Variants in PCDH7 observed in about 807,000 individuals in gnomAD.
The protein encoded by PCDH7 is protocadherin 7.
A neutral mutation model predicts 58.9 loss-of-function variants in PCDH7; 17 were observed. The observed-to-expected ratio is 0.29, with a 90% confidence interval of 0.20 to 0.43. PCDH7 has a LOEUF of 0.43. PCDH7 is among the 20% of genes least tolerant of loss of function. The pLI is 1.00. For synonymous variants in PCDH7, 664 were observed against 616.4 expected, an observed-to-expected ratio of 1.08 and a Z score of -1.14; for missense variants, 1,274 against 1,441.0, an observed-to-expected ratio of 0.88 and a Z score of 1.88.
intron 1 of PCDH7, among the ~76,000 whole-genome samples, chr4:30,792,717 G>T (rs10013155): frequency 0.036 from 5,452 of 152,150 alleles, 324 homozygotes; most frequent in African/African-American, 0.12. Flanking sequence ...ATCTCAGTAG[G>T]AGCTGAGGGG....
At position 31,038,459 on chromosome 4, in the gene PCDH7, G is replaced by T. The variant is rs546814931; in HGVS notation, c.*7+88244G>T. Among the ~76,000 whole-genome samples the T allele has an allele frequency of 2.6e-5, 4 of 152,172 alleles. No homozygotes were observed. In the East Asian group the frequency reaches 5.8e-4, roughly 22 times the overall value. On this transcript the variant is annotated intron_variant, in intron 3 of 3. Coordinates refer to the PCDH7 transcript ENST00000509759. ...TAAATATAAGCAAAATAAATACAAAGGTAGCCAGAGGACTATTTGAGATGG... is the reference window on the plus strand; with the variant it reads ...TAAATATAAGCAAAATAAATACAAATGTAGCCAGAGGACTATTTGAGATGG...
At chr4:30,974,232 C>T (rs1283028502) in intron 3 of PCDH7, among the ~76,000 whole-genome samples, 13 of 88,770 alleles carry the variant, frequency 1.5e-4, no homozygotes, top group African/African-American at 3.7e-4. Context: ...TTCTTTCTTT[C>T]TTTTTCTTTC....
intron 1 of PCDH7, among the ~76,000 whole-genome samples, chr4:30,753,133 C>A (rs994671320): frequency 1.3e-5 from 2 of 152,064 alleles, no homozygotes; most frequent in Non-Finnish European, 1.5e-5. Context: ...CAGCATCATG[C>A]CTGGGAGACC....
intron 2 of PCDH7, among the ~76,000 whole-genome samples, chr4:30,938,192 G>C (rs1416284912): frequency 2.0e-5 from 3 of 151,936 alleles, no homozygotes; most frequent in Admixed American, 2.0e-4. Flanking sequence ...CCACATTATT[G>C]CTCAGACACA....
chr4:31,138,923 G>A (rs1384719061), intron 3 of PCDH7, among the ~76,000 whole-genome samples: 1 of 150,406 alleles, frequency 6.6e-6, no homozygotes, highest in Non-Finnish European at 1.5e-5. Context: ...TTGCGGTGAG[G>A]CAAGATTGCA....
chr4:31,101,305 G>A (rs561117418), intron 3 of PCDH7, among the ~76,000 whole-genome samples: 1 of 152,128 alleles, frequency 6.6e-6, no homozygotes, highest in Non-Finnish European at 1.5e-5. Flanking sequence ...ATTTAATTAT[G>A]TGCTGGGTTT....
chr4:31,087,853 T>A (rs1030479273), intron 3 of PCDH7, among the ~76,000 whole-genome samples: 3 of 152,164 alleles, frequency 2.0e-5, no homozygotes, highest in Admixed American at 6.6e-5. Flanking sequence ...ATAATCATTA[T>A]TAACATGTAG....
chr4:30,765,737 G>A (rs1393398988), intron 1 of PCDH7, among the ~76,000 whole-genome samples: 1 of 152,232 alleles, frequency 6.6e-6, no homozygotes, highest in Non-Finnish European at 1.5e-5. Flanking sequence ...TGATGAGAGT[G>A]TGAGCTGTGC....
intron 1 of PCDH7, among the ~76,000 whole-genome samples, chr4:30,850,604 T>C (rs554140348): frequency 1.3e-5 from 2 of 152,220 alleles, no homozygotes; most frequent in Non-Finnish European, 2.9e-5. Flanking sequence ...ATTCCAGGTA[T>C]GTGCCCATGC....
intron 1 of PCDH7, among the ~76,000 whole-genome samples, chr4:30,824,038 A>T (rs1728707110): frequency 6.6e-6 from 1 of 152,116 alleles, no homozygotes; most frequent in Non-Finnish European, 1.5e-5. Context: ...GCCACTCTTG[A>T]TGGTTGGCTG....
At chr4:31,079,009 G>A (rs887441252) in intron 3 of PCDH7, among the ~76,000 whole-genome samples, 1 of 151,788 alleles carries the variant, frequency 6.6e-6, no homozygotes, top group Non-Finnish European at 1.5e-5. Flanking sequence ...ATAATTGGGT[G>A]TAGGAAGAGT....
At chr4:30,732,489 A>T (rs921982741) in exon 2 of PCDH7, 4 of 152,244 alleles carry the variant, frequency 2.6e-5, no homozygotes, top group Non-Finnish European at 5.9e-5. Context: ...ATTGTAAGTT[A>T]GCATTTTCTA....
At chr4:30,818,525 G>A (rs1384620928) in intron 1 of PCDH7, among the ~76,000 whole-genome samples, 3 of 152,132 alleles carry the variant, frequency 2.0e-5, no homozygotes, top group African/African-American at 7.2e-5. Flanking sequence ...TCCCCTTGAA[G>A]AGAATCTAAC....
chr4:30,965,845 A>G (rs1309052331), intron 3 of PCDH7, among the ~76,000 whole-genome samples: 3 of 152,140 alleles, frequency 2.0e-5, no homozygotes, highest in Admixed American at 2.0e-4. Flanking sequence ...TTTTTAAAAA[A>G]GTAGCATTTT....
intron 1 of PCDH7, among the ~76,000 whole-genome samples, chr4:30,888,760 T>G (rs1326789399): frequency 1.3e-5 from 2 of 152,182 alleles, no homozygotes; most frequent in Non-Finnish European, 2.9e-5. Context: ...GAGAGTGGTT[T>G]GACAGACTTG....
At chr4:31,118,152 G>A (rs1258882450) in intron 3 of PCDH7, among the ~76,000 whole-genome samples, 1 of 152,108 alleles carries the variant, frequency 6.6e-6, no homozygotes, top group Non-Finnish European at 1.5e-5. Flanking sequence ...GCAAAATTCT[G>A]CATTTAAGTA....
intron 1 of PCDH7, among the ~76,000 whole-genome samples, chr4:30,875,523 A>G (rs1736173777): frequency 6.6e-6 from 1 of 152,092 alleles, no homozygotes; most frequent in Non-Finnish European, 1.5e-5. Flanking sequence ...GTCCAAGTTT[A>G]CGTAGTCCGT....
At chr4:30,956,362 A>G (rs1189821292) in intron 3 of PCDH7, among the ~76,000 whole-genome samples, 1 of 152,216 alleles carries the variant, frequency 6.6e-6, no homozygotes, top group Non-Finnish European at 1.5e-5. Flanking sequence ...TTGATGATTT[A>G]GAATTTTAAC....
At chr4:31,046,058 C>A (rs1756257882) in intron 3 of PCDH7, among the ~76,000 whole-genome samples, 1 of 152,012 alleles carries the variant, frequency 6.6e-6, no homozygotes, top group Admixed American at 6.6e-5. Flanking sequence ...CACAACCCTG[C>A]TATCTACAGC....
Sources: gnomAD v4.1 joint callset for allele counts (sites outside exome capture counted in the v4.1 genomes callset) on GRCh38, gnomAD v4.1.1 for gene constraint, MANE v1.5 for transcripts, NCBI Gene and HGNC (gene_info 2026-07-23, HGNC 2026-07-21) for gene names.